GABBR1: variants seen among roughly 807,000 people sequenced by gnomAD.
The protein encoded by GABBR1 is GABA-B receptor, R1 subunit.
GABBR1 carries 35 observed loss-of-function variants against 117.7 expected under a neutral mutation model. The observed-to-expected ratio is 0.30, with a 90% CI of 0.23 to 0.39. The LOEUF is 0.39. GABBR1 is among the 10% of genes least tolerant of loss of function. The probability of loss-of-function intolerance (pLI) is 1.00; values close to 1 mark genes in which losing one functional copy is unlikely to be tolerated. For missense variants in GABBR1, 709 were observed against 1,241.8 expected (o/e 0.57, Z 6.45); for synonymous variants, 442 against 486.6 (o/e 0.91, Z 1.21).
In GABBR1 at chr6:29,603,634, G is replaced by A. The variant is rs1347630506; in HGVS notation, c.2795C>T (p.Pro932Leu). 1 of 1,533,828 alleles carries A rather than the reference G, an allele frequency of 6.5e-7. No homozygotes were observed. The highest frequency in any genetic ancestry group is 2.2e-5 in the Admixed American group (1 of 44,540). Residue 932 changes from proline (P) to leucine (L), a missense_variant, in exon 23 of 23, where the codon CCA becomes CTA. This residue lies in a region of GABBR1 where 69 missense variants were observed against 64.3 expected (regional missense o/e 1.07). Coordinates refer to ENST00000377034, the MANE Select transcript of GABBR1 (RefSeq NM_001470.4). ...CCTGGGCAGGCCCCCAGAGGGTTCT[G>A]GGGGTGTCGGTGGGTGGCGCCGGGA... ...LRSRRHPPTPPEPSGGLPRGP... is the reference protein window; with the variant it reads ...LRSRRHPPTPLEPSGGLPRGP...
chr6:29,630,423 C>G lies in GABBR1; in HGVS notation c.475+35G>C. The stretch of plus-strand genomic sequence containing the variant: ...CCACTCCCATCCTCACACAAGCGTC[C>G]TCATCAGCTGCATGCAGGCAGCTGT... On this transcript the variant is annotated intron_variant, in intron 4 of 22. Coordinates refer to ENST00000377034, the MANE Select transcript of GABBR1 (RefSeq NM_001470.4). This position sits in a 1 kb window ranked among gnomAD's most constrained non-coding sequence, Gnocchi z 4.9. The G allele has an allele frequency of 6.3e-7, 1 of 1,582,418 alleles. No homozygotes were observed. Among genetic ancestry groups the G allele is most frequent in the Non-Finnish European group, 8.7e-7 (1 of 1,153,950 alleles).
At chr6:29,608,813 G>A (rs29263) in intron 15 of GABBR1, 80 bp from the exon 16 acceptor site, 144,917 of 1,468,954 alleles carry the variant, frequency 0.099, 7,738 homozygotes, top group Middle Eastern at 0.17. Flanking sequence ...CAAATACCAC[G>A]CAATGGCATG....
At position 29,606,502 on chromosome 6, in the gene GABBR1, T is replaced by A; in HGVS notation, c.2218-18A>T. 6.4e-7 allele frequency: 1 copy of A among 1,566,340 alleles called. No homozygotes were observed. Among genetic ancestry groups the A allele is most frequent in the African/African-American group, 1.4e-5 (1 of 74,056 alleles). On this transcript the variant is annotated intron_variant, in intron 18 of 22. Coordinates refer to ENST00000377034, the MANE Select transcript of GABBR1 (RefSeq NM_001470.4). The surrounding 1 kb of genome is among the most constrained non-coding windows in gnomAD (Gnocchi z 4.5). Reference sequence around the variant, plus strand: ...GCAAATGTCTAGGGCAGAAACAAGGTCACAAGAAAGATGGTTGCCAGCCTC... The same window carrying A: ...GCAAATGTCTAGGGCAGAAACAAGGACACAAGAAAGATGGTTGCCAGCCTC...
chr6:29,625,805 G>A (rs1764213426), intron 6 of GABBR1, among the ~76,000 whole-genome samples: 1 of 151,960 alleles, frequency 6.6e-6, no homozygotes, highest in South Asian at 2.1e-4. Flanking sequence ...CATAAAGCCT[G>A]CACCCATCTC....
chr6:29,627,453 C>G lies in GABBR1; in HGVS notation c.657+33G>C. On this transcript the variant is annotated intron_variant, in intron 6 of 22. Coordinates refer to ENST00000377034, the MANE Select transcript of GABBR1 (RefSeq NM_001470.4). This position sits in a 1 kb window ranked among gnomAD's most constrained non-coding sequence, Gnocchi z 4.4. ...GGCTGGCCCCCTGCCCCGCAAGCCC[C>G]CACCTCCCACCCACCCCCATGTCCA... 1 of 1,350,894 alleles carries G rather than the reference C, an allele frequency of 7.4e-7. No individual in the cohort carries two copies. Among genetic ancestry groups the G allele is most frequent in the Admixed American group, 2.0e-5 (1 of 49,068 alleles). The allele number at this position is 1,350,894 out of a possible 1,614,324, so 83.7% of individuals were successfully genotyped here.
rs375958009 is a variant in GABBR1 at position 29,609,723 on chromosome 6, GGAGA to G, written c.1709-348_1709-345del. Among the ~76,000 whole-genome samples, 17 of 152,054 alleles carry G rather than the reference GGAGA, an allele frequency of 1.1e-4. No homozygotes were observed. The highest frequency in any genetic ancestry group is 4.1e-4 in the African/African-American group (17 of 41,470). On this transcript the variant is annotated intron_variant, in intron 14 of 22. Transcript: ENST00000377034. This position sits in a 1 kb window ranked among gnomAD's most constrained non-coding sequence, Gnocchi z 4.3. Reference sequence around the variant, plus strand: ...TTTCTTACAGCAAAGGAAAATGGGAGGAGAAAGAAGGGGATCATTAAAAAATGTT... The same window carrying G: ...TTTCTTACAGCAAAGGAAAATGGGAGAAGAAGGGGATCATTAAAAAATGTT...
At chr6:29,618,236 C>T (rs1763377582) in intron 11 of GABBR1, among the ~76,000 whole-genome samples, 1 of 152,210 alleles carries the variant, frequency 6.6e-6, no homozygotes, top group South Asian at 2.1e-4. Context: ...GATTAATCTG[C>T]TCAGCACGAT....
intron 5 of GABBR1, chr6:29,628,106 G>T: frequency 4.2e-6 from 1 of 240,088 alleles, no homozygotes; most frequent in Non-Finnish European, 6.1e-6. Flanking sequence ...CGGGGGGTGG[G>T]GGGGCGGGCG....
chr6:29,629,194 G>C (rs1449072487), intron 4 of GABBR1, 87 bp from the exon 5 acceptor site: 1 of 1,468,234 alleles, frequency 6.8e-7, no homozygotes, highest in South Asian at 1.1e-5. Flanking sequence ...TCCCACACCT[G>C]TCCATGCTGA....
chr6:29,611,044 G>GGT lies in GABBR1; in HGVS notation c.1631-44_1631-43insAC, dbSNP rs770536794. On this transcript the variant is annotated intron_variant, in intron 13 of 22. Coordinates refer to ENST00000377034, the MANE Select transcript of GABBR1 (RefSeq NM_001470.4). The surrounding 1 kb of genome is among the most constrained non-coding windows in gnomAD (Gnocchi z 4.6). ...AAAGGAGTGACCACAGGTAGCCAAA[G>GGT]AGCTGATCCTAGGCATTTTCAACTT... is the stretch of plus-strand genomic sequence containing the variant. 6.6e-7 allele frequency: 1 copy of GGT among 1,514,654 alleles called. No homozygotes were observed. The highest frequency in any genetic ancestry group is 2.3e-5 in the East Asian group (1 of 44,378). 93.8% of individuals were successfully genotyped at this position (1,514,654 alleles called of 1,614,324 possible).
chr6:29,618,638 C>T (rs974569430), intron 11 of GABBR1, among the ~76,000 whole-genome samples: 1 of 152,138 alleles, frequency 6.6e-6, no homozygotes, highest in African/African-American at 2.4e-5. Flanking sequence ...GATTTCCTCA[C>T]AATCTTATCT....
At chr6:29,628,255 A>T in intron 5 of GABBR1, 2 of 791,172 alleles carry the variant, frequency 2.5e-6, no homozygotes, top group Non-Finnish European at 2.9e-6. Flanking sequence ...ATCTCACTTA[A>T]GGGGACCCGA....
Position 29,622,209 on chromosome 6 carries a change from G to T in GABBR1, c.964-4C>A. 6.2e-7 allele frequency: 1 copy of T among 1,609,604 alleles called. No homozygotes were observed. Among genetic ancestry groups the T allele is most frequent in the South Asian group, 1.1e-5 (1 of 90,966 alleles). On this transcript the variant is annotated splice_region_variant and splice_polypyrimidine_tract_variant and intron_variant, in intron 8 of 22. Coordinates refer to ENST00000377034, the MANE Select transcript of GABBR1 (RefSeq NM_001470.4). This position sits in a 1 kb window ranked among gnomAD's most constrained non-coding sequence, Gnocchi z 4.6. ...GTTCCTCCAGGTCGTCCAGAGTCTTGGGTGGGAATAAAAAACAAGTTGGAA... is the reference window on the plus strand; with the variant it reads ...GTTCCTCCAGGTCGTCCAGAGTCTTTGGTGGGAATAAAAAACAAGTTGGAA...
Position 29,606,305 on chromosome 6 carries a change from A to T in GABBR1, c.2311+86T>A. On this transcript the variant is annotated intron_variant, in intron 19 of 22. Coordinates refer to ENST00000377034, the MANE Select transcript of GABBR1 (RefSeq NM_001470.4). The surrounding 1 kb of genome is among the most constrained non-coding windows in gnomAD (Gnocchi z 4.5). ...ACAAGCTCTCTACCTCCTCTTCCAA[A>T]GACCCCTCTCCCTCCAAGCCCTCTA... is the stretch of plus-strand genomic sequence containing the variant. 3.3e-6 allele frequency: 3 copies of T among 913,172 alleles called. No homozygotes were observed. The South Asian group carries it at 4.0e-5, about 12-fold the overall frequency. The allele number at this position is 913,172 out of a possible 1,614,324, so 56.6% of individuals were successfully genotyped here.
chr6:29,619,306 C>T (rs1407678328), intron 11 of GABBR1, among the ~76,000 whole-genome samples: 2 of 152,228 alleles, frequency 1.3e-5, no homozygotes, highest in Non-Finnish European at 2.9e-5. Context: ...TCTATAATCT[C>T]TTTTGCCCCT....
At chr6:29,625,576 G>C (rs1178051156) in intron 6 of GABBR1, among the ~76,000 whole-genome samples, 1 of 151,980 alleles carries the variant, frequency 6.6e-6, no homozygotes, top group African/African-American at 2.4e-5. Context: ...CTTTGCTCTT[G>C]CAAGGATCTG....
At chr6:29,612,655 A>G (rs1282558952) in intron 12 of GABBR1, 41 bp from the exon 13 acceptor site, 4 of 1,549,022 alleles carry the variant, frequency 2.6e-6, no homozygotes, top group South Asian at 1.1e-5. Flanking sequence ...AGGAGACAAA[A>G]GCAAGAGTGA....
chr6:29,612,503 G>T, intron 13 of GABBR1, 48 bp downstream of exon 13: 1 of 1,550,154 alleles, frequency 6.5e-7, no homozygotes, highest in Non-Finnish European at 8.9e-7. Context: ...TCCCAGCCCA[G>T]CCCCAGCCTA....
intron 6 of GABBR1, among the ~76,000 whole-genome samples, chr6:29,626,068 G>T (rs1352937260): frequency 6.6e-6 from 1 of 152,124 alleles, no homozygotes; most frequent in Non-Finnish European, 1.5e-5. Flanking sequence ...CCCTGACCAA[G>T]GAGCTAGAAT....
Sources: allele counts gnomAD v4.1 joint callset (sites outside exome capture counted in the v4.1 genomes callset), GRCh38; gene constraint gnomAD v4.1.1; regional missense constraint gnomAD v4.1.1; non-coding constraint Gnocchi (gnomAD v3.1); transcripts MANE v1.5; gene names NCBI Gene and HGNC (gene_info 2026-07-23, HGNC 2026-07-21).